Variants in CNTNAP2 observed in about 807,000 individuals in gnomAD.
The protein encoded by CNTNAP2 is contactin associated protein 2.
A neutral mutation model predicts 155.2 loss-of-function variants in CNTNAP2; 98 were observed. That is an observed-to-expected ratio of 0.63 (90% CI 0.54 to 0.75). The LOEUF (loss-of-function observed/expected upper bound fraction) is 0.75, where lower values mean the gene tolerates loss of function less well. CNTNAP2 is among the 30% of genes least tolerant of loss of function. The pLI, the probability that CNTNAP2 is intolerant of heterozygous loss-of-function variation, is 0.00. For synonymous variants in CNTNAP2, 651 were observed against 631.2 expected, an observed-to-expected ratio of 1.03 and a Z score of -0.47; for missense variants, 1,727 against 1,688.1, an observed-to-expected ratio of 1.02 and a Z score of -0.40.
intron 12 of CNTNAP2, among the ~76,000 whole-genome samples, chr7:147,626,395 T>C (rs1171307419): frequency 1.4e-5 from 2 of 146,090 alleles, no homozygotes; most frequent in African/African-American, 2.8e-5. Flanking sequence ...TCTGGTGAAC[T>C]ATATGACACA....
intron 3 of CNTNAP2, among the ~76,000 whole-genome samples, chr7:147,008,013 G>T (rs1328558262): frequency 6.6e-6 from 1 of 152,124 alleles, no homozygotes; most frequent in East Asian, 1.9e-4. Context: ...TATGACAAGT[G>T]TCTAATACAT....
intron 1 of CNTNAP2, among the ~76,000 whole-genome samples, chr7:146,542,959 A>G (rs1393183675): frequency 6.6e-6 from 1 of 151,908 alleles, no homozygotes; most frequent in African/African-American, 2.4e-5. Context: ...ACAAAATTTC[A>G]GTCAAATAAG....
intron 23 of CNTNAP2, among the ~76,000 whole-genome samples, chr7:148,413,459 T>C (rs1258863241): frequency 7.5e-6 from 1 of 133,208 alleles, no homozygotes; most frequent in Non-Finnish European, 1.6e-5. Flanking sequence ...GCTCCATAGT[T>C]TTCTTGTAAC....
intron 20 of CNTNAP2, among the ~76,000 whole-genome samples, chr7:148,234,973 G>T (rs1162901958): frequency 2.6e-5 from 4 of 152,118 alleles, no homozygotes; most frequent in African/African-American, 9.7e-5. Context: ...TCTTATCTTT[G>T]CCAAGAAGAA....
At chr7:146,858,531 A>C (rs1795036919) in intron 3 of CNTNAP2, among the ~76,000 whole-genome samples, 1 of 152,166 alleles carries the variant, frequency 6.6e-6, no homozygotes, top group Admixed American at 6.5e-5. Flanking sequence ...GTGTTTCTAC[A>C]AATAATGCAA....
At chr7:148,057,950 C>CTTCTTATTA (rs138885680) in intron 15 of CNTNAP2, among the ~76,000 whole-genome samples, 1 of 142,740 alleles carries the variant, frequency 7.0e-6, no homozygotes, top group East Asian at 2.0e-4. Context: ...CAGCTTCCAG[C>CTTCTTATTA]TTATTATTAT....
chr7:146,773,632 G>A (rs1001055377), intron 1 of CNTNAP2, among the ~76,000 whole-genome samples: 14 of 152,182 alleles, frequency 9.2e-5, no homozygotes, highest in African/African-American at 3.1e-4. Context: ...GACCTCAGGT[G>A]ATCAACCCGC....
chr7:148,372,728 T>A (rs192688126), intron 21 of CNTNAP2, among the ~76,000 whole-genome samples: 218 of 152,204 alleles, frequency 1.4e-3, no homozygotes, highest in African/African-American at 5.0e-3. Context: ...AATAAATAAA[T>A]AAAATAAATT....
At chr7:147,172,508 T>C (rs537283996) in intron 8 of CNTNAP2, among the ~76,000 whole-genome samples, 1 of 152,324 alleles carries the variant, frequency 6.6e-6, no homozygotes, top group African/African-American at 2.4e-5. Context: ...TTAATTTTGA[T>C]GTTGATAATT....
intron 15 of CNTNAP2, among the ~76,000 whole-genome samples, chr7:148,023,344 A>C (rs141054487): frequency 6.6e-6 from 1 of 152,220 alleles, no homozygotes; most frequent in East Asian, 1.9e-4. Context: ...AAGCAAGCTC[A>C]TGTGTGCCGG....
At chr7:147,009,597 G>A (rs1524341) in intron 3 of CNTNAP2, among the ~76,000 whole-genome samples, 98,428 of 152,004 alleles carry the variant, frequency 0.65, 33,460 homozygotes, top group African/African-American at 0.86. Context: ...TGAATGAAAG[G>A]AAATACATAT....
intron 15 of CNTNAP2, among the ~76,000 whole-genome samples, chr7:148,100,891 C>T (rs562325400): frequency 5.3e-5 from 8 of 152,100 alleles, no homozygotes; most frequent in South Asian, 4.2e-4. Context: ...AAATGTCCAA[C>T]AATGATAGAC....
chr7:148,079,234 G>A (rs1012577063), intron 15 of CNTNAP2, among the ~76,000 whole-genome samples: 1 of 152,178 alleles, frequency 6.6e-6, no homozygotes, highest in Non-Finnish European at 1.5e-5. Flanking sequence ...ATTTTAGGGG[G>A]ACATAAGACA....
At chr7:146,606,401 C>G (rs1172544341) in intron 1 of CNTNAP2, among the ~76,000 whole-genome samples, 1 of 152,104 alleles carries the variant, frequency 6.6e-6, no homozygotes, top group Non-Finnish European at 1.5e-5. Flanking sequence ...GATATTATGA[C>G]ATTTTTGATA....
At chr7:147,913,283 G>A (rs745724273) in intron 14 of CNTNAP2, among the ~76,000 whole-genome samples, 95 of 152,094 alleles carry the variant, frequency 6.2e-4, no homozygotes, top group Non-Finnish European at 1.1e-3. Context: ...AAATCACTTC[G>A]CAAGGAATAT....
intron 10 of CNTNAP2, among the ~76,000 whole-genome samples, chr7:147,401,830 A>G (rs911594657): frequency 1.3e-5 from 2 of 152,168 alleles, no homozygotes; most frequent in African/African-American, 2.4e-5. Flanking sequence ...TGCCATGATT[A>G]TAAGTTTCCT....
At chr7:146,133,316 C>A (rs1311018420) in intron 1 of CNTNAP2, among the ~76,000 whole-genome samples, 1 of 151,892 alleles carries the variant, frequency 6.6e-6, no homozygotes, top group Non-Finnish European at 1.5e-5. Context: ...GATATTAGCC[C>A]TTTGTCAGAT....
chr7:147,961,744 A>G (rs1007168667), intron 14 of CNTNAP2, among the ~76,000 whole-genome samples: 9 of 152,300 alleles, frequency 5.9e-5, no homozygotes, highest in African/African-American at 1.9e-4. Context: ...CATCACTGGC[A>G]TTACAATTTT....
chr7:147,724,137 C>T (rs1451533247), intron 13 of CNTNAP2, among the ~76,000 whole-genome samples: 1 of 151,980 alleles, frequency 6.6e-6, no homozygotes, highest in East Asian at 1.9e-4. Flanking sequence ...TCTTAGAAAT[C>T]ATCTAGTTTA....
Sources: gnomAD v4.1 joint callset for allele counts (sites outside exome capture counted in the v4.1 genomes callset) on GRCh38, gnomAD v4.1.1 for gene constraint, MANE v1.5 for transcripts, NCBI Gene and HGNC (gene_info 2026-07-23, HGNC 2026-07-21) for gene names.